Variants in NDUFS4 observed in about 807,000 individuals in gnomAD.
NDUFS4 encodes NADH dehydrogenase [ubiquinone] iron-sulfur protein 4, mitochondrial.
NDUFS4 carries 28 observed loss-of-function variants against 24.3 expected under a neutral mutation model. The ratio of observed to expected loss-of-function variants is 1.15; its 90% CI spans 0.85 to 1.58. The LOEUF (loss-of-function observed/expected upper bound fraction) is 1.58, where lower values mean the gene tolerates loss of function less well. Among genes scored for constraint, NDUFS4 ranks in the 40% most tolerant of loss-of-function variants. The probability of loss-of-function intolerance (pLI) is 0.00; values close to 1 mark genes in which losing one functional copy is unlikely to be tolerated. For missense variants in NDUFS4, 223 were observed against 207.9 expected (o/e 1.07, Z -0.45); for synonymous variants, 93 against 69.7 (o/e 1.34, Z -1.67).
chr5:53,619,496 A>AAC, intron 2 of NDUFS4, among the ~76,000 whole-genome samples: 1 of 150,212 alleles, frequency 6.7e-6, no homozygotes, highest in South Asian at 2.1e-4. Context: ...CAAAAAAAAA[A>AAC]AAAAAAAAAA....
At chr5:53,627,887 C>T (rs1751279662) in intron 2 of NDUFS4, among the ~76,000 whole-genome samples, 2 of 152,106 alleles carry the variant, frequency 1.3e-5, no homozygotes, top group Admixed American at 6.5e-5. Flanking sequence ...TTCTCTTGCC[C>T]GATTGCCCTG....
At chr5:53,588,950 C>T (rs1749855786) in intron 1 of NDUFS4, among the ~76,000 whole-genome samples, 1 of 151,464 alleles carries the variant, frequency 6.6e-6, no homozygotes, top group African/African-American at 2.4e-5. Flanking sequence ...CAAGTTGGAA[C>T]ACTTGAAAGT....
chr5:53,636,684 C>T (rs1229383327), intron 2 of NDUFS4, among the ~76,000 whole-genome samples: 6 of 152,198 alleles, frequency 3.9e-5, no homozygotes, highest in East Asian at 1.9e-4. Context: ...ATGTAATCCC[C>T]GACATTGGAG....
chr5:53,574,440 C>T (rs958884420), intron 1 of NDUFS4, among the ~76,000 whole-genome samples: 1 of 152,116 alleles, frequency 6.6e-6, no homozygotes, highest in East Asian at 1.9e-4. Flanking sequence ...GAATTCTTTT[C>T]GTATACTGGC....
chr5:53,565,398 GAGGTCGC>G (rs1748986768), intron 1 of NDUFS4, among the ~76,000 whole-genome samples: 1 of 152,180 alleles, frequency 6.6e-6, no homozygotes, highest in African/African-American at 2.4e-5. Flanking sequence ...TATCAGCAGT[GAGGTCGC>G]AAGCTTTTTG....
chr5:53,653,210 G>T (rs1752068144), intron 3 of NDUFS4, among the ~76,000 whole-genome samples: 1 of 152,042 alleles, frequency 6.6e-6, no homozygotes, highest in African/African-American at 2.4e-5. Context: ...CTGGAAACAA[G>T]GATTTGTTCC....
At chr5:53,673,707 C>G (rs1740365983) in intron 4 of NDUFS4, among the ~76,000 whole-genome samples, 1 of 152,176 alleles carries the variant, frequency 6.6e-6, no homozygotes, top group Non-Finnish European at 1.5e-5. Flanking sequence ...CTCTCTGCCA[C>G]CATTTCTCCT....
intron 4 of NDUFS4, among the ~76,000 whole-genome samples, chr5:53,669,791 G>A (rs1466032005): frequency 6.6e-6 from 1 of 152,118 alleles, no homozygotes; most frequent in African/African-American, 2.4e-5. Flanking sequence ...ATCTTTTAAT[G>A]TGCTCAGTAA....
chr5:53,649,422 CA>C (rs1222060061), intron 3 of NDUFS4, among the ~76,000 whole-genome samples: 1 of 152,162 alleles, frequency 6.6e-6, no homozygotes, highest in African/African-American at 2.4e-5. Flanking sequence ...CATGTGTACC[CA>C]TTGTTCAGCT....
intron 2 of NDUFS4, among the ~76,000 whole-genome samples, chr5:53,616,008 G>A (rs899854779): frequency 7.1e-4 from 108 of 152,168 alleles, no homozygotes; most frequent in African/African-American, 2.6e-3. Flanking sequence ...ATTAAAACAA[G>A]ATTTCTGATT....
Position 53,671,275 on chromosome 5 carries a change from C to T in NDUFS4, c.425-11843C>T, listed in dbSNP as rs539579099. The stretch of plus-strand genomic sequence containing the variant: ...TGCTATTGATAATTTCTGCAGCTGT[C>T]CCCTCAGCTTATATCTTTTTTGCAT... On this transcript the variant is annotated intron_variant, in intron 4 of 4. Transcript: ENST00000296684. Among the ~76,000 whole-genome samples the T allele has an allele frequency of 2.0e-3, 300 of 152,032 alleles. 2 individuals carry two copies. The highest frequency in any genetic ancestry group is 6.8e-3 in the African/African-American group (282 of 41,478).
chr5:53,682,624 T>TCAA (rs1740703989), intron 4 of NDUFS4, among the ~76,000 whole-genome samples: 1 of 152,092 alleles, frequency 6.6e-6, no homozygotes, highest in African/African-American at 2.4e-5. Context: ...ATGGTCCACT[T>TCAA]CAACTATAGT....
chr5:53,591,861 C>T (rs1459426856), intron 1 of NDUFS4, among the ~76,000 whole-genome samples: 1 of 152,068 alleles, frequency 6.6e-6, no homozygotes, highest in Non-Finnish European at 1.5e-5. Flanking sequence ...ATCTGTATAT[C>T]TTCTTTGGTG....
chr5:53,645,052 C>T (rs1751819580), intron 2 of NDUFS4, among the ~76,000 whole-genome samples: 4 of 152,064 alleles, frequency 2.6e-5, no homozygotes, highest in Admixed American at 2.6e-4. Flanking sequence ...CATTAGTCTT[C>T]ATTAGGGTGT....
At chr5:53,682,501 A>G (rs914003667) in intron 4 of NDUFS4, among the ~76,000 whole-genome samples, 1 of 150,050 alleles carries the variant, frequency 6.7e-6, no homozygotes, top group Non-Finnish European at 1.5e-5. Flanking sequence ...AGGTACTCCC[A>G]TCTGAGTCCA....
At chr5:53,572,184 A>G (rs1474636981) in intron 1 of NDUFS4, among the ~76,000 whole-genome samples, 1 of 152,190 alleles carries the variant, frequency 6.6e-6, no homozygotes, top group Non-Finnish European at 1.5e-5. Flanking sequence ...AAGCTGGGGG[A>G]AACAGCAAAG....
In NDUFS4 at chr5:53,675,158, T is replaced by C. The variant is rs989317307; in HGVS notation, c.425-7960T>C. Among the ~76,000 whole-genome samples, 114 of 62,770 alleles carry C rather than the reference T, an allele frequency of 1.8e-3. 1 individual carries two copies. The highest frequency in any genetic ancestry group is 6.1e-4 in the Non-Finnish European group (21 of 34,588). The allele number at this position is 62,770 out of a possible 152,430, so 41.2% of individuals were successfully genotyped here. A position where few individuals can be genotyped will look rare whatever the true frequency, so the allele number is the denominator to read the frequency against. ...TATAAGCTAATCAGAACAGAGTTCC[T>C]TTTTTTTTTTTTTTTTTTTTTGAGG... is the stretch of plus-strand genomic sequence containing the variant. On this transcript the variant is annotated intron_variant, in intron 4 of 4. Coordinates refer to ENST00000296684, the MANE Select transcript of NDUFS4 (RefSeq NM_002495.4).
At chr5:53,611,800 C>G (rs1218683786) in intron 2 of NDUFS4, among the ~76,000 whole-genome samples, 1 of 151,976 alleles carries the variant, frequency 6.6e-6, no homozygotes, top group African/African-American at 2.4e-5. Context: ...ACCTCAGTCT[C>G]CTTTCAGGAC....
chr5:53,665,931 G>A (rs375911969), intron 4 of NDUFS4, among the ~76,000 whole-genome samples: 149 of 152,284 alleles, frequency 9.8e-4, no homozygotes, highest in African/African-American at 3.5e-3. Context: ...GCTGGGAGCT[G>A]TAGACTGGAG....
Sources: gnomAD v4.1 joint callset for allele counts (sites outside exome capture counted in the v4.1 genomes callset) on GRCh38, gnomAD v4.1.1 for gene constraint, MANE v1.5 for transcripts, NCBI Gene and HGNC (gene_info 2026-07-23, HGNC 2026-07-21) for gene names.